The following REL variants were observed in gnomAD, a reference collection of about 807,000 sequenced individuals.
REL encodes REL proto-oncogene, NF-kB subunit.
In REL, 15 loss-of-function variants were observed where a neutral mutation model predicts 45.9. The observed-to-expected ratio is 0.33, with a 90% CI of 0.22 to 0.50. The LOEUF (loss-of-function observed/expected upper bound fraction) is 0.50. Ranked by LOEUF, REL falls within the 20% of genes least tolerant of loss-of-function variation. The pLI is 0.98. For synonymous variants in REL, 239 were observed against 242.1 expected (o/e 0.99, Z 0.12); for missense variants, 601 against 715.2 (o/e 0.84, Z 1.82).
At chr2:60,897,408 T>C (rs548459877) in intron 3 of REL, among the ~76,000 whole-genome samples, 53 of 151,700 alleles carry the variant, frequency 3.5e-4, no homozygotes, top group African/African-American at 1.3e-3. Flanking sequence ...CCCAAGTTCA[T>C]GCAATTTTTG....
In REL at chr2:60,930,849, A is replaced by G. The variant is rs894381780; in HGVS notation, c.*8314A>G. On this transcript the variant is annotated 3_prime_UTR_variant, in exon 10 of 10. Transcript: ENST00000394479. ...TTTACTATTGGACTTTCAAAAATTTAAAGAATTACAAGTAAAATTCATTAA... is the reference window on the plus strand; with the variant it reads ...TTTACTATTGGACTTTCAAAAATTTGAAGAATTACAAGTAAAATTCATTAA... 3 of 152,484 alleles carry G rather than the reference A, an allele frequency of 2.0e-5. No homozygotes were observed. The highest frequency in any genetic ancestry group is 1.9e-4 in the East Asian group (1 of 5,334). The allele number at this position is 152,484 out of a possible 1,614,324, so 9.4% of individuals were successfully genotyped here.
Position 60,881,840 on chromosome 2 carries a change from C to G in REL, c.-1C>G, listed in dbSNP as rs1389370520. 3.3e-6 allele frequency: 5 copies of G among 1,516,522 alleles called. 1 individual carries two copies. In the Admixed American group the frequency reaches 1.0e-4, roughly 31 times the overall value. 93.9% of individuals were successfully genotyped at this position (1,516,522 alleles called of 1,614,324 possible). A position where few individuals can be genotyped will look rare whatever the true frequency, so the allele number is the denominator to read the frequency against. ...TGCGGGAAGGTGCGGGGAGCGGAGCCATGGCCTCCGGTGAGTGTTCATGGG... is the reference window on the plus strand; with the variant it reads ...TGCGGGAAGGTGCGGGGAGCGGAGCGATGGCCTCCGGTGAGTGTTCATGGG... On this transcript the variant is annotated 5_prime_UTR_variant, in exon 1 of 10. Transcript: ENST00000394479.
rs1166552280 is a variant in REL, at chr2:60,926,977, C to G, written c.*4442C>G. ...AAACAATTCTCTCAGGCCTCCATAC[C>G]TTTAGCATGTTACCCACTCTGCCTC... On this transcript the variant is annotated 3_prime_UTR_variant, in exon 10 of 10. Coordinates refer to ENST00000394479, the MANE Select transcript of REL (RefSeq NM_001291746.2). The G allele has an allele frequency of 1.3e-5, 3 of 226,600 alleles. No individual in the cohort carries two copies. The highest frequency in any genetic ancestry group is 2.6e-5 in the Non-Finnish European group (3 of 113,850). 14.0% of individuals were successfully genotyped at this position (226,600 alleles called of 1,614,324 possible).
chr2:60,904,494 C>T (rs1479295852), intron 4 of REL, among the ~76,000 whole-genome samples: 1 of 151,790 alleles, frequency 6.6e-6, no homozygotes, highest in Non-Finnish European at 1.5e-5. Context: ...TCGCTTGAAC[C>T]CAGGAGGCGG....
In REL at chr2:60,928,985, AC is replaced by A. The variant is rs1368594964; in HGVS notation, c.*6451del. On this transcript the variant is annotated 3_prime_UTR_variant, in exon 10 of 10. Transcript: ENST00000394479. ...ACTCAAACAAATTTACAAGAAAAAA[AC>A]AACCCCATCAAAAAGTGGGCGAAGG... 2 of 149,436 alleles carry A rather than the reference AC, an allele frequency of 1.3e-5. No individual in the cohort carries two copies. Among genetic ancestry groups the A allele is most frequent in the Non-Finnish European group, 3.0e-5 (2 of 66,378 alleles). 9.3% of individuals were successfully genotyped at this position (149,436 alleles called of 1,614,324 possible).
At chr2:60,897,085 C>T (rs772732842) in intron 3 of REL, among the ~76,000 whole-genome samples, 29 of 152,040 alleles carry the variant, frequency 1.9e-4, no homozygotes, top group Non-Finnish European at 2.8e-4. Flanking sequence ...TCCTCTCTTT[C>T]TCCATTTAAA....
At position 60,922,482 on chromosome 2, in the gene REL, A is replaced by G. The variant is rs765403694; in HGVS notation, c.1711A>G (p.Met571Val). 1 of 1,612,162 alleles carries G rather than the reference A, an allele frequency of 6.2e-7. No individual in the cohort carries two copies. The highest frequency in any genetic ancestry group is 8.5e-7 in the Non-Finnish European group (1 of 1,179,402). The change falls in exon 10 of 10, where the codon ATG becomes GTG. Residue 571 changes from methionine to valine, a missense_variant. By Grantham distance (21) the Met-to-Val change is conservative (BLOSUM62 1). Transcript: ENST00000394479. ...QDSQYSGIGS[M>V]QNEQLSDSFP... ...TAGTCAGTATTCAGGTATTGGCAGTATGCAAAATGAGCAATTGAGTGACTC... is the reference window on the plus strand; with the variant it reads ...TAGTCAGTATTCAGGTATTGGCAGTGTGCAAAATGAGCAATTGAGTGACTC...
At chr2:60,908,275 A>G (rs979061663) in intron 4 of REL, among the ~76,000 whole-genome samples, 7 of 152,176 alleles carry the variant, frequency 4.6e-5, no homozygotes, top group Non-Finnish European at 7.3e-5. Flanking sequence ...TGTTATCTCT[A>G]TCTTCTCAGC....
intron 4 of REL, 43 bp from the exon 5 acceptor site, chr2:60,916,834 C>G: frequency 6.8e-7 from 1 of 1,472,886 alleles, no homozygotes; most frequent in Non-Finnish European, 9.4e-7. Context: ...GTCTTTAGGT[C>G]TATGTGACTA....
intron 4 of REL, among the ~76,000 whole-genome samples, chr2:60,916,604 G>A (rs1432384574): frequency 6.6e-6 from 1 of 152,114 alleles, no homozygotes; most frequent in Non-Finnish European, 1.5e-5. Context: ...ACTTTGATTT[G>A]TTATTAATGT....
At chr2:60,885,339 G>A (rs1426226369) in intron 1 of REL, among the ~76,000 whole-genome samples, 1 of 152,056 alleles carries the variant, frequency 6.6e-6, no homozygotes, top group African/African-American at 2.4e-5. Context: ...AGGTGATTTG[G>A]TCTTGCCATT....
In REL at chr2:60,925,817, A is replaced by G. The variant is rs1201846516; in HGVS notation, c.*3282A>G. The G allele has an allele frequency of 5.6e-5, 12 of 215,698 alleles. No homozygotes were observed. In the East Asian group the frequency reaches 8.2e-4, roughly 15 times the overall value. The allele number at this position is 215,698 out of a possible 1,614,324, so 13.4% of individuals were successfully genotyped here. On this transcript the variant is annotated 3_prime_UTR_variant, in exon 10 of 10. Transcript: ENST00000394479. ...TCTTTAAACTAATTAAGCGTTGGCTACTTAGTATAAGTAAGTATAAGCCGA... is the reference window on the plus strand; with the variant it reads ...TCTTTAAACTAATTAAGCGTTGGCTGCTTAGTATAAGTAAGTATAAGCCGA...
intron 4 of REL, among the ~76,000 whole-genome samples, chr2:60,903,356 T>C (rs1673549673): frequency 6.6e-6 from 1 of 152,174 alleles, no homozygotes; most frequent in Non-Finnish European, 1.5e-5. Context: ...AGATGCTGTC[T>C]GTGGAATTTC....
intron 4 of REL, among the ~76,000 whole-genome samples, chr2:60,904,037 A>T (rs113119076): frequency 1.1e-3 from 175 of 152,306 alleles, no homozygotes; most frequent in African/African-American, 4.0e-3. Context: ...TAAGTGCTTT[A>T]TATATTTTAT....
intron 4 of REL, among the ~76,000 whole-genome samples, chr2:60,902,779 G>T (rs1673532547): frequency 6.6e-6 from 1 of 151,912 alleles, no homozygotes. Context: ...TGTAGAGACA[G>T]GGTCTCGCCA....
chr2:60,897,115 T>G (rs1340970345), intron 3 of REL, among the ~76,000 whole-genome samples: 1 of 152,128 alleles, frequency 6.6e-6, no homozygotes, highest in Non-Finnish European at 1.5e-5. Context: ...TGTAAACTCA[T>G]GCATTCTTGT....
rs781259820 is a variant in REL at position 60,924,033 on chromosome 2, G to T, written c.*1498G>T. 2.6e-5 allele frequency: 6 copies of T among 232,424 alleles called. No individual in the cohort carries two copies. Among genetic ancestry groups the T allele is most frequent in the Non-Finnish European group, 4.3e-5 (5 of 117,590 alleles). The allele number at this position is 232,424 out of a possible 1,614,324, so 14.4% of individuals were successfully genotyped here. A position where few individuals can be genotyped will look rare whatever the true frequency, so the allele number is the denominator to read the frequency against. On this transcript the variant is annotated 3_prime_UTR_variant, in exon 10 of 10. Coordinates refer to ENST00000394479, the MANE Select transcript of REL (RefSeq NM_001291746.2). ...CACCTTGGCCTCAGTGCTCCTCAAA[G>T]CATCAAGTATGCACTTGCCTTGGAC...
intron 4 of REL, chr2:60,911,240 A>G (rs1673804518): frequency 2.6e-5 from 4 of 152,228 alleles, no homozygotes; most frequent in Non-Finnish European, 5.9e-5. Context: ...AATTATTTGA[A>G]ATTATTATAG....
At chr2:60,905,339 C>T (rs1673614206) in intron 4 of REL, among the ~76,000 whole-genome samples, 1 of 152,164 alleles carries the variant, frequency 6.6e-6, no homozygotes, top group African/African-American at 2.4e-5. Context: ...TGTGATCCGC[C>T]CGCCTCAGCC....
Sources: gnomAD v4.1 joint callset for allele counts (sites outside exome capture counted in the v4.1 genomes callset) on GRCh38, gnomAD v4.1.1 for gene constraint, MANE v1.5 for transcripts, NCBI Gene and HGNC (gene_info 2026-07-23, HGNC 2026-07-21) for gene names.